Variants in PPIH observed in about 807,000 individuals in gnomAD.
PPIH encodes peptidyl-prolyl cis-trans isomerase H.
PPIH carries 16 observed loss-of-function variants against 27.6 expected under a neutral mutation model. That is an observed-to-expected ratio of 0.58 (90% CI 0.39 to 0.88). The LOEUF is 0.88. PPIH is among the 40% of genes least tolerant of loss of function. The pLI is 0.00. For synonymous variants in PPIH, 63 were observed against 76.1 expected, an observed-to-expected ratio of 0.83 and a Z score of 0.90; for missense variants, 155 against 224.1, an observed-to-expected ratio of 0.69 and a Z score of 1.97.
intron 2 of PPIH, 141 bp from the exon 3 acceptor site, chr1:42,659,087 G>T: frequency 7.1e-7 from 1 of 1,409,828 alleles, no homozygotes; most frequent in Non-Finnish European, 9.9e-7. Context: ...TACGTTGTTA[G>T]TCTGTGTGAC....
intron 9 of PPIH, among the ~76,000 whole-genome samples, chr1:42,669,797 G>T (rs1649531867): frequency 6.6e-6 from 1 of 152,030 alleles, no homozygotes; most frequent in Non-Finnish European, 1.5e-5. Context: ...AATGTTTTCT[G>T]TGTTTTTTCT....
chr1:42,675,672 T>C (rs765916800), intron 9 of PPIH, among the ~76,000 whole-genome samples: 2 of 152,220 alleles, frequency 1.3e-5, no homozygotes, highest in Non-Finnish European at 2.9e-5. Context: ...TGTGGCATGT[T>C]TGAGGAATGG....
chr1:42,663,916 C>G (rs1244865328), intron 5 of PPIH, among the ~76,000 whole-genome samples: 1 of 152,136 alleles, frequency 6.6e-6, no homozygotes, highest in African/African-American at 2.4e-5. Context: ...TTTTGGCACT[C>G]CTCAATATTG....
chr1:42,664,801 T>C lies in PPIH; in HGVS notation c.244-62T>C. 5.3e-6 allele frequency: 7 copies of C among 1,312,200 alleles called. No homozygotes were observed. The South Asian group carries it at 6.3e-5, about 12-fold the overall frequency. 81.3% of individuals were successfully genotyped at this position (1,312,200 alleles called of 1,614,324 possible). A position where few individuals can be genotyped will look rare whatever the true frequency, so the allele number is the denominator to read the frequency against. ...TCATGCTTTAGGTGCGACAGTGTTC[T>C]TCCTCCGGTTTCCAGGGACCCAACA... is the stretch of plus-strand genomic sequence containing the variant. On this transcript the variant is annotated intron_variant, in intron 5 of 9. Coordinates refer to ENST00000304979, the MANE Select transcript of PPIH (RefSeq NM_006347.4).
At chr1:42,660,630 A>G (rs562141542) in intron 4 of PPIH, among the ~76,000 whole-genome samples, 5 of 152,160 alleles carry the variant, frequency 3.3e-5, no homozygotes, top group Non-Finnish European at 5.9e-5. Context: ...GGGTTTTGCC[A>G]TGTTGGCCAG....
intron 1 of PPIH, 146 bp downstream of exon 1, chr1:42,658,658 AAAG>A: frequency 8.8e-7 from 1 of 1,138,252 alleles, no homozygotes. Flanking sequence ...GGGCGGGGGG[AAAG>A]GAGGAGGAGG....
intron 5 of PPIH, among the ~76,000 whole-genome samples, chr1:42,661,854 T>C (rs1649041234): frequency 6.6e-6 from 1 of 152,158 alleles, no homozygotes; most frequent in African/African-American, 2.4e-5. Flanking sequence ...ATCCTAGTTT[T>C]TTTTTCTCTT....
chr1:42,679,176 G>A (rs1453222486), downstream of PPIH, among the ~76,000 whole-genome samples: 2 of 152,192 alleles, frequency 1.3e-5, no homozygotes, highest in African/African-American at 4.8e-5. Flanking sequence ...ATTGGTGCTT[G>A]TAGAGAGGTG....
rs1481895127 is a variant in PPIH at position 42,658,479 on chromosome 1, C to T, written c.33C>T (p.Pro11=). The T allele has an allele frequency of 6.2e-6, 10 of 1,614,058 alleles. No individual in the cohort carries two copies. Among genetic ancestry groups the T allele is most frequent in the African/African-American group, 5.3e-5 (4 of 74,920 alleles). The change falls in exon 1 of 10, where the codon CCC becomes CCT. Residue 11 remains proline (P), a synonymous_variant. Transcript: ENST00000304979. ...TGGCAAATTCAAGTCCTGTTAACCC[C>T]GTGGTGTTCTTTGATGTCAGTATTG... MAVANSSPVN[P]VVFFDVSIGG... is the part of the protein sequence containing the mutation.
At chr1:42,666,611 G>A in intron 8 of PPIH, 24 bp downstream of exon 8, 1 of 1,610,952 alleles carries the variant, frequency 6.2e-7, no homozygotes, top group Non-Finnish European at 8.5e-7. Flanking sequence ...TGATTTTTCT[G>A]TTTCTCTGCC....
intron 5 of PPIH, among the ~76,000 whole-genome samples, chr1:42,661,868 A>C (rs1649042926): frequency 6.6e-6 from 1 of 152,190 alleles, no homozygotes; most frequent in East Asian, 1.9e-4. Flanking sequence ...TTCTCTTTAA[A>C]AAATGGAAAG....
At position 42,667,304 on chromosome 1, in the gene PPIH, G is replaced by A. The variant is rs746697235; in HGVS notation, c.466-47G>A. Reference sequence around the variant, plus strand: ...ATCAGTAAAAGTTTGATAAGGGAACGAGGAAGTGCCTGAGTGGATGAATCT... The same window carrying A: ...ATCAGTAAAAGTTTGATAAGGGAACAAGGAAGTGCCTGAGTGGATGAATCT... On this transcript the variant is annotated intron_variant, in intron 8 of 9. Transcript: ENST00000304979. 27 of 1,517,414 alleles carry A rather than the reference G, an allele frequency of 1.8e-5. No individual in the cohort carries two copies. The South Asian group carries it at 2.0e-4, about 11-fold the overall frequency. 94.0% of individuals were successfully genotyped at this position (1,517,414 alleles called of 1,614,324 possible). A position where few individuals can be genotyped will look rare whatever the true frequency, so the allele number is the denominator to read the frequency against.
At chr1:42,678,822 G>T (rs1180911650), downstream of PPIH, 1 of 152,172 alleles carries the variant, frequency 6.6e-6, no homozygotes, top group Admixed American at 6.5e-5. Context: ...ATGAGAGGAA[G>T]AGGGAAAAAA....
chr1:42,667,131 T>C (rs1365533817), intron 8 of PPIH, among the ~76,000 whole-genome samples: 1 of 152,226 alleles, frequency 6.6e-6, no homozygotes, highest in Non-Finnish European at 1.5e-5. Context: ...TATCCAATTC[T>C]CTCTTATAAC....
rs1432931323 is a variant in PPIH, at chr1:42,659,507, T to A, written c.156-15T>A. ...TACCTGCTGTCACTCCAAGTCTCTTTCTTTTCGGTTATAGGAAAGATGGGG... is the reference window on the plus strand; with the variant it reads ...TACCTGCTGTCACTCCAAGTCTCTTACTTTTCGGTTATAGGAAAGATGGGG... On this transcript the variant is annotated splice_polypyrimidine_tract_variant and intron_variant, in intron 3 of 9. Transcript: ENST00000304979. The A allele has an allele frequency of 1.9e-6, 3 of 1,614,032 alleles. No individual in the cohort carries two copies. In the African/African-American group the frequency reaches 4.0e-5, roughly 22 times the overall value.
chr1:42,672,381 CAA>C (rs1239564464), intron 9 of PPIH, among the ~76,000 whole-genome samples: 1 of 140,778 alleles, frequency 7.1e-6, no homozygotes. Context: ...TGCCATATTC[CAA>C]AAAAAAAAAG....
In PPIH at chr1:42,658,488, C is replaced by A; in HGVS notation, c.42C>A (p.Phe14Leu). Residue 14 changes from phenylalanine (F) to leucine (L), a missense_variant, in exon 1 of 10, where the codon TTC becomes TTA. Phe to Leu is a conservative substitution (Grantham distance 22). Transcript: ENST00000304979. ...CAAGTCCTGTTAACCCCGTGGTGTT[C>A]TTTGATGTCAGTATTGGCGGTCAGG... The part of the protein sequence containing the change: ...ANSSPVNPVV[F>L]FDVSIGGQEV... 1 of 1,614,128 alleles carries A rather than the reference C, an allele frequency of 6.2e-7. No homozygotes were observed.
At chr1:42,665,018 C>T in intron 6 of PPIH, 63 bp downstream of exon 6, 1 of 1,362,206 alleles carries the variant, frequency 7.3e-7, no homozygotes, top group Non-Finnish European at 1.0e-6. Context: ...CCTCTTGAGG[C>T]CCAGTGCTGT....
chr1:42,659,605 A>G, intron 4 of PPIH, 39 bp downstream of exon 4: 1 of 1,594,890 alleles, frequency 6.3e-7, no homozygotes, highest in Non-Finnish European at 8.5e-7. Context: ...TCTTTCAGAA[A>G]TATTTCCTGG....
Sources: allele counts gnomAD v4.1 joint callset (sites outside exome capture counted in the v4.1 genomes callset), GRCh38; gene constraint gnomAD v4.1.1; transcripts MANE v1.5; gene names NCBI Gene and HGNC (gene_info 2026-07-23, HGNC 2026-07-21).